Variants in COL22A1 observed in about 807,000 individuals in gnomAD.
The protein encoded by COL22A1 is collagen type XXII alpha 1 chain, also known as collagen alpha-1(XXII) chain.
COL22A1 carries 221 observed loss-of-function variants against 248.9 expected under a neutral mutation model. The observed-to-expected ratio is 0.89, with a 90% CI of 0.80 to 0.99. COL22A1 has a LOEUF of 0.99. COL22A1 is among the 50% of genes least tolerant of loss of function. The probability of loss-of-function intolerance (pLI) is 0.00; values close to 1 mark genes in which losing one functional copy is unlikely to be tolerated. For synonymous variants in COL22A1, 891 were observed against 793.4 expected, an observed-to-expected ratio of 1.12 and a Z score of -2.07; for missense variants, 2,240 against 2,179.0, an observed-to-expected ratio of 1.03 and a Z score of -0.56.
chr8:138,602,773 C>T (rs1287465715), intron 59 of COL22A1, among the ~76,000 whole-genome samples: 1 of 152,238 alleles, frequency 6.6e-6, no homozygotes, highest in African/African-American at 2.4e-5. Flanking sequence ...CTGCTTCTGT[C>T]ATTGTCTCCA....
chr8:138,669,147 A>C (rs921038686), intron 41 of COL22A1, among the ~76,000 whole-genome samples: 6 of 152,298 alleles, frequency 3.9e-5, no homozygotes, highest in African/African-American at 1.4e-4. Context: ...TCCAGGCTTT[A>C]GGAGGACAGC....
intron 51 of COL22A1, among the ~76,000 whole-genome samples, chr8:138,624,009 T>C (rs1315013547): frequency 1.3e-5 from 2 of 152,062 alleles, no homozygotes; most frequent in Non-Finnish European, 2.9e-5. Flanking sequence ...TGGCATATAG[T>C]GGGAAAGCAA....
chr8:138,668,388 TTA>T (rs777064134), intron 41 of COL22A1, among the ~76,000 whole-genome samples: 3 of 151,916 alleles, frequency 2.0e-5, no homozygotes, highest in Admixed American at 2.0e-4. Context: ...TAATAAAAAT[TTA>T]TATATACACA....
intron 23 of COL22A1, among the ~76,000 whole-genome samples, chr8:138,736,723 GA>G (rs750385231): frequency 1.3e-5 from 2 of 152,256 alleles, no homozygotes; most frequent in Admixed American, 1.3e-4. Context: ...AGTCCTAAGA[GA>G]CCCAGAGAAG....
At chr8:138,890,638 A>G (rs1824996286) in intron 1 of COL22A1, among the ~76,000 whole-genome samples, 1 of 152,124 alleles carries the variant, frequency 6.6e-6, no homozygotes, top group African/African-American at 2.4e-5. Context: ...GTATATGTGG[A>G]AAAACCCAAA....
chr8:138,835,046 G>A (rs994281425), intron 4 of COL22A1, among the ~76,000 whole-genome samples: 3 of 152,152 alleles, frequency 2.0e-5, no homozygotes, highest in Non-Finnish European at 2.9e-5. Flanking sequence ...CAGGGAAGGC[G>A]CTCCGGGAGG....
chr8:138,652,735 G>GTTTTTTTTTTTTTTTTTTTTTTT lies in COL22A1; in HGVS notation c.3334-2980_3334-2958dup, dbSNP rs71316352. Among the ~76,000 whole-genome samples the GTTTTTTTTTTTTTTTTTTTTTTT allele has an allele frequency of 3.3e-4, 18 of 54,284 alleles. 6 individuals are homozygous for GTTTTTTTTTTTTTTTTTTTTTTT. The highest frequency in any genetic ancestry group is 5.5e-4 in the Non-Finnish European group (16 of 28,986). The allele number at this position is 54,284 out of a possible 152,430, so 35.6% of individuals were successfully genotyped here. Reference sequence around the variant, plus strand: ...TAAAATATTTTCTTTTCCTTTTCTGGTTTTTTTTTTTTTTTTTTTTTTTTT... The same window carrying GTTTTTTTTTTTTTTTTTTTTTTT: ...TAAAATATTTTCTTTTCCTTTTCTGGTTTTTTTTTTTTTTTTTTTTTTTTTTTTTTTTTTTTTTTTTTTTTTTT... On this transcript the variant is annotated intron_variant, in intron 45 of 64. Transcript: ENST00000303045.
rs776233435 is a variant in COL22A1 at position 138,596,939 on chromosome 8, C to G, written c.4397G>C (p.Arg1466Pro). 6.2e-7 allele frequency: 1 copy of G among 1,614,026 alleles called. No individual in the cohort carries two copies. Among genetic ancestry groups the G allele is most frequent in the East Asian group, 2.2e-5 (1 of 44,866 alleles). ...GESPSMETLR[R>P]LIQEELGKQL... ...CTTCCCCAGCTCTTCTTGAATAAGCCGACGCAGGGTTTCCATGGATGGAGA... is the reference window on the plus strand; with the variant it reads ...CTTCCCCAGCTCTTCTTGAATAAGCGGACGCAGGGTTTCCATGGATGGAGA... The change falls in exon 62 of 65, where the codon CGG (arginine) becomes CCG (proline). Residue 1466 changes from arginine (R) to proline (P), a missense_variant. Coordinates refer to ENST00000303045, the MANE Select transcript of COL22A1 (RefSeq NM_152888.3).
intron 3 of COL22A1, among the ~76,000 whole-genome samples, chr8:138,850,801 G>A (rs981187872): frequency 6.6e-6 from 1 of 152,226 alleles, no homozygotes; most frequent in Non-Finnish European, 1.5e-5. Context: ...CTCAAAAACA[G>A]AGGCGAAAGT....
At chr8:138,891,407 C>T (rs1334632012) in intron 1 of COL22A1, among the ~76,000 whole-genome samples, 5 of 152,208 alleles carry the variant, frequency 3.3e-5, no homozygotes, top group Non-Finnish European at 7.3e-5. Context: ...CTGGTCTTGG[C>T]ATCAGATCTG....
At chr8:138,894,514 G>C (rs1586985489) in intron 1 of COL22A1, among the ~76,000 whole-genome samples, 1 of 152,110 alleles carries the variant, frequency 6.6e-6, no homozygotes, top group Admixed American at 6.6e-5. Flanking sequence ...CAGATGAAGA[G>C]TGCAGGCTGG....
At chr8:138,691,898 ATG>A (rs1369321753) in intron 35 of COL22A1, among the ~76,000 whole-genome samples, 1 of 14,614 alleles carries the variant, frequency 6.8e-5, no homozygotes, top group Non-Finnish European at 1.6e-4. Flanking sequence ...GTGGAGGTGT[ATG>A]TGTGCACGTG....
At position 138,755,487 on chromosome 8, in the gene COL22A1, C is replaced by T. The variant is rs2131362820; in HGVS notation, c.1972G>A (p.Glu658Lys). 6.2e-7 allele frequency: 1 copy of T among 1,614,016 alleles called. No homozygotes were observed. The highest frequency in any genetic ancestry group is 1.1e-5 in the South Asian group (1 of 91,078). Reference protein sequence around the residue: ...SVVQQEGLKGEQGAPGPRGHQ... With the variant: ...SVVQQEGLKGKQGAPGPRGHQ... The stretch of plus-strand genomic sequence containing the variant: ...AAGACGCGTGTGCCTCTTACCTGTT[C>T]CCCTTTCAAGCCCTCTTGCTGCACC... Residue 658 changes from glutamate to lysine, a missense_variant, in exon 20 of 65, where the codon GAA (glutamate) becomes AAA (lysine). Transcript: ENST00000303045.
intron 11 of COL22A1, among the ~76,000 whole-genome samples, chr8:138,798,170 T>C (rs909142835): frequency 6.6e-6 from 1 of 151,606 alleles, no homozygotes; most frequent in Non-Finnish European, 1.5e-5. Flanking sequence ...TCTTTGAATC[T>C]AAAGTATGTC....
chr8:138,775,938 T>C (rs1814413404), intron 16 of COL22A1, 28 bp downstream of exon 16: 2 of 1,609,998 alleles, frequency 1.2e-6, no homozygotes, highest in South Asian at 1.1e-5. Context: ...GAAAGCCGTA[T>C]TGATGAATGA....
At chr8:138,885,714 C>T (rs1050161971) in intron 1 of COL22A1, among the ~76,000 whole-genome samples, 1 of 152,094 alleles carries the variant, frequency 6.6e-6, no homozygotes, top group African/African-American at 2.4e-5. Context: ...CAGGCATGCG[C>T]CACCACACCC....
At chr8:138,835,582 C>A (rs1820366271) in intron 4 of COL22A1, among the ~76,000 whole-genome samples, 1 of 152,182 alleles carries the variant, frequency 6.6e-6, no homozygotes, top group South Asian at 2.1e-4. Context: ...GTTCGCCACC[C>A]TATCCCCCTC....
In COL22A1 at chr8:138,864,775, C is replaced by A. The variant is rs150609153; in HGVS notation, c.658+12975G>T. Among the ~76,000 whole-genome samples the A allele has an allele frequency of 1.2e-3, 185 of 152,258 alleles. 1 individual carries two copies. Among genetic ancestry groups the A allele is most frequent in the African/African-American group, 4.2e-3 (176 of 41,548 alleles). On this transcript the variant is annotated intron_variant, in intron 3 of 64. Transcript: ENST00000303045. ...GCTCCACATTCCAACCTCATCTCAG[C>A]CAGCACAGTCCTTCTCAGCTAGGGG...
In COL22A1 at chr8:138,716,217, C is replaced by T. The variant is rs768407206; in HGVS notation, c.2463+10G>A. The stretch of plus-strand genomic sequence containing the variant: ...TTCCTGTGTGGGAGGAAGGAAGCTG[C>T]CACACTTACCTGGTCTCCTTTCTCT... On this transcript the variant is annotated intron_variant, in intron 29 of 64. Transcript: ENST00000303045. The T allele has an allele frequency of 1.3e-6, 2 of 1,575,184 alleles. No homozygotes were observed. The highest frequency in any genetic ancestry group is 1.7e-4 in the Middle Eastern group (1 of 6,004).
Sources: allele counts gnomAD v4.1 joint callset (sites outside exome capture counted in the v4.1 genomes callset), GRCh38; gene constraint gnomAD v4.1.1; transcripts MANE v1.5; gene names NCBI Gene and HGNC (gene_info 2026-07-23, HGNC 2026-07-21).